Variants in RNF220 observed in about 807,000 individuals in gnomAD.
RNF220 encodes E3 ubiquitin-protein ligase RNF220.
In RNF220, 7 loss-of-function variants were observed where a neutral mutation model predicts 67.1. The observed-to-expected ratio is 0.10, with a 90% confidence interval of 0.06 to 0.20. The LOEUF (loss-of-function observed/expected upper bound fraction) is 0.20. Ranked by LOEUF, RNF220 falls within the 10% of genes least tolerant of loss-of-function variation. The probability of loss-of-function intolerance (pLI) is 1.00; values close to 1 mark genes in which losing one functional copy is unlikely to be tolerated. For missense variants in RNF220, 565 were observed against 740.3 expected, an observed-to-expected ratio of 0.76 and a Z score of 2.75; for synonymous variants, 270 against 283.2, an observed-to-expected ratio of 0.95 and a Z score of 0.47.
Position 44,650,744 on chromosome 1 carries a change from C to T in RNF220, c.1670C>T (p.Ala557Val), listed in dbSNP as rs1003612871. 6.2e-7 allele frequency: 1 copy of T among 1,613,958 alleles called. No individual in the cohort carries two copies. Among genetic ancestry groups the T allele is most frequent in the Non-Finnish European group, 8.5e-7 (1 of 1,179,970 alleles). The part of the protein sequence containing the change: ...KLCPQCNTIT[A>V]PGDLRRIYL ...TGCCCTCAGTGCAACACGATCACAG[C>T]GCCCGGAGACCTGCGGAGGATCTAC... Residue 557 changes from alanine (A) to valine (V), a missense_variant, in exon 15 of 15, where the codon GCG becomes GTG. By Grantham distance (64) the Ala-to-Val change is moderately conservative. Transcript: ENST00000361799. This position sits in a 1 kb window ranked among gnomAD's most constrained non-coding sequence, Gnocchi z 4.3.
chr1:44,591,630 T>C (rs1284530014), intron 2 of RNF220, among the ~76,000 whole-genome samples: 1 of 152,178 alleles, frequency 6.6e-6, no homozygotes, highest in African/African-American at 2.4e-5. Flanking sequence ...AATATTCTAG[T>C]CACAAGCCAC....
rs1451648230 is a variant in RNF220 at position 44,417,449 on chromosome 1, C to T, written c.625+4727C>T. 6.6e-6 allele frequency among the ~76,000 whole-genome samples: 1 copy of T among 152,208 alleles called. No individual in the cohort carries two copies. Among genetic ancestry groups the T allele is most frequent in the East Asian group, 1.9e-4 (1 of 5,180 alleles). ...CCTGATGGCTGCAGAGCCATCTGGC[C>T]TGGCTTGGCTTGGCTCGGCGCGCCG... On this transcript the variant is annotated intron_variant, in intron 2 of 14. Transcript: ENST00000361799. The surrounding 1 kb of genome is among the most constrained non-coding windows in gnomAD (Gnocchi z 4.0).
intron 2 of RNF220, among the ~76,000 whole-genome samples, chr1:44,498,423 A>G (rs1217741736): frequency 1.3e-5 from 2 of 152,128 alleles, no homozygotes; most frequent in Non-Finnish European, 2.9e-5. Flanking sequence ...AGGGCTCTGT[A>G]TACCCCATTA....
chr1:44,559,493 T>C (rs1663387810), intron 2 of RNF220, among the ~76,000 whole-genome samples: 1 of 152,236 alleles, frequency 6.6e-6, no homozygotes, highest in Non-Finnish European at 1.5e-5. Flanking sequence ...AAATGTTCAT[T>C]AGACAGATAT....
chr1:44,508,769 C>T (rs1465324959), intron 2 of RNF220, among the ~76,000 whole-genome samples: 1 of 152,228 alleles, frequency 6.6e-6, no homozygotes, highest in African/African-American at 2.4e-5. Context: ...TTCACCTCTT[C>T]TTTAGACCCT....
chr1:44,522,962 AC>A (rs1176045459), intron 2 of RNF220, among the ~76,000 whole-genome samples: 1 of 152,198 alleles, frequency 6.6e-6, no homozygotes, highest in Non-Finnish European at 1.5e-5. Flanking sequence ...GTCACAACCA[AC>A]AGCAGCCCAT....
chr1:44,494,989 G>T (rs888339310), intron 2 of RNF220, among the ~76,000 whole-genome samples: 2 of 152,182 alleles, frequency 1.3e-5, no homozygotes, highest in African/African-American at 4.8e-5. Context: ...GAGGCAGGAG[G>T]ATTGCTTGAG....
intron 2 of RNF220, among the ~76,000 whole-genome samples, chr1:44,518,379 C>G (rs1055742698): frequency 1.3e-5 from 2 of 152,124 alleles, no homozygotes; most frequent in African/African-American, 4.8e-5. Context: ...GAGCTATGAT[C>G]ACCCCACTGC....
rs117284173 is a variant in RNF220, at chr1:44,473,040, G to A, written c.625+60318G>A. Among the ~76,000 whole-genome samples, 72 of 152,284 alleles carry A rather than the reference G, an allele frequency of 4.7e-4. 1 individual carries two copies. The East Asian group carries it at 0.014, about 29-fold the overall frequency. On this transcript the variant is annotated intron_variant, in intron 2 of 14. Coordinates refer to ENST00000361799, the MANE Select transcript of RNF220 (RefSeq NM_018150.4). ...CTTTGAGGTTTTCCTGGGCTGTGAG[G>A]TGTGTGTTTCCCCACGTCCTCTGCT... is the stretch of plus-strand genomic sequence containing the variant.
intron 2 of RNF220, among the ~76,000 whole-genome samples, chr1:44,499,536 A>G (rs1657640111): frequency 6.6e-6 from 1 of 151,772 alleles, no homozygotes; most frequent in Non-Finnish European, 1.5e-5. Flanking sequence ...CTTCTTCCTC[A>G]CTGCTTGTTC....
At chr1:44,569,246 A>G (rs779094630) in intron 2 of RNF220, among the ~76,000 whole-genome samples, 7 of 152,178 alleles carry the variant, frequency 4.6e-5, no homozygotes, top group Admixed American at 6.5e-5. Context: ...ATTATTATAA[A>G]GAATTATTGC....
chr1:44,514,516 C>T (rs965252362), intron 2 of RNF220, among the ~76,000 whole-genome samples: 71 of 152,162 alleles, frequency 4.7e-4, no homozygotes, highest in African/African-American at 1.6e-3. Context: ...ACTAGAAGCT[C>T]TACAGTCAAA....
chr1:44,642,565 T>A (rs1644518447), intron 8 of RNF220, among the ~76,000 whole-genome samples: 1 of 152,124 alleles, frequency 6.6e-6, no homozygotes, highest in Non-Finnish European at 1.5e-5. Flanking sequence ...AGCACAGGAT[T>A]TGGGAGACCA....
intron 2 of RNF220, among the ~76,000 whole-genome samples, chr1:44,610,187 C>T (rs989849375): frequency 1.3e-5 from 2 of 152,238 alleles, no homozygotes; most frequent in Non-Finnish European, 2.9e-5. Context: ...CCCCCACGCA[C>T]TCACACACTC....
chr1:44,479,166 G>A (rs1321589101), intron 2 of RNF220, among the ~76,000 whole-genome samples: 1 of 151,072 alleles, frequency 6.6e-6, no homozygotes, highest in Non-Finnish European at 1.5e-5. Flanking sequence ...CCCAGGCTGG[G>A]GTGCAGTGGC....
At chr1:44,437,103 G>GT (rs1336599651) in intron 2 of RNF220, among the ~76,000 whole-genome samples, 1 of 152,228 alleles carries the variant, frequency 6.6e-6, no homozygotes, top group African/African-American at 2.4e-5. Flanking sequence ...CTTCAGAGAA[G>GT]TAAGTATTTA....
intron 2 of RNF220, among the ~76,000 whole-genome samples, chr1:44,481,756 T>G (rs1318809966): frequency 2.0e-5 from 3 of 152,234 alleles, no homozygotes; most frequent in Non-Finnish European, 4.4e-5. Flanking sequence ...AGAACTTTTT[T>G]GTTCTTGAGA....
chr1:44,618,064 A>C (rs1643636260), intron 3 of RNF220, among the ~76,000 whole-genome samples: 1 of 152,136 alleles, frequency 6.6e-6, no homozygotes, highest in Non-Finnish European at 1.5e-5. Context: ...CAACCTGGAC[A>C]CGTCCCCCCT....
chr1:44,441,989 G>A (rs1469643171), intron 2 of RNF220, among the ~76,000 whole-genome samples: 2 of 152,156 alleles, frequency 1.3e-5, no homozygotes, highest in African/African-American at 4.8e-5. Flanking sequence ...GAATTATTAG[G>A]TCAGGAAACC....
Sources: gnomAD v4.1 joint callset for allele counts (sites outside exome capture counted in the v4.1 genomes callset) on GRCh38, gnomAD v4.1.1 for gene constraint, Gnocchi (gnomAD v3.1) non-coding constraint, MANE v1.5 for transcripts, NCBI Gene and HGNC (gene_info 2026-07-23, HGNC 2026-07-21) for gene names.